OXR1: variants seen among roughly 807,000 people sequenced by gnomAD.
OXR1 encodes oxidation resistance protein 1.
OXR1 carries 41 observed loss-of-function variants against 104.6 expected under a neutral mutation model. That is an observed-to-expected ratio of 0.39 (90% CI 0.31 to 0.51). OXR1 has a LOEUF of 0.51. OXR1 is among the 20% of genes least tolerant of loss of function. The pLI is 0.77. For synonymous variants in OXR1, 348 were observed against 348.4 expected (o/e 1.00, Z 0.01); for missense variants, 955 against 1,031.9 (o/e 0.93, Z 1.02).
chr8:106,366,797 C>T (rs1251626417), intron 2 of OXR1, among the ~76,000 whole-genome samples: 1 of 150,468 alleles, frequency 6.6e-6, no homozygotes, highest in Non-Finnish European at 1.5e-5. Context: ...TGGAAATGGT[C>T]AGCTTGTAAA....
chr8:106,283,050 C>T (rs1812353215), intron 1 of OXR1, among the ~76,000 whole-genome samples: 2 of 152,204 alleles, frequency 1.3e-5, no homozygotes, highest in African/African-American at 4.8e-5. Context: ...TCAGTGTGAA[C>T]ACTGGTGTGG....
At chr8:106,609,599 T>C (rs1395286606) in intron 3 of OXR1, among the ~76,000 whole-genome samples, 1 of 152,150 alleles carries the variant, frequency 6.6e-6, no homozygotes, top group Non-Finnish European at 1.5e-5. Context: ...AACCTGAAAA[T>C]TAAAAGTGCT....
chr8:106,428,231 C>A (rs1455228898), intron 2 of OXR1, among the ~76,000 whole-genome samples: 1 of 152,140 alleles, frequency 6.6e-6, no homozygotes, highest in Non-Finnish European at 1.5e-5. Flanking sequence ...AGCATCCCTG[C>A]CTGACATTTG....
intron 2 of OXR1, among the ~76,000 whole-genome samples, chr8:106,476,919 G>T (rs544169179): frequency 9.2e-5 from 14 of 152,012 alleles, no homozygotes; most frequent in African/African-American, 3.4e-4. Context: ...CCACATGAAA[G>T]CCTCGAGGCA....
At chr8:106,419,611 G>A (rs1439883266) in intron 2 of OXR1, among the ~76,000 whole-genome samples, 1 of 152,138 alleles carries the variant, frequency 6.6e-6, no homozygotes, top group Non-Finnish European at 1.5e-5. Flanking sequence ...AGGGCAGTTA[G>A]AGCCTACCAA....
chr8:106,523,583 T>A (rs370272589), intron 3 of OXR1, among the ~76,000 whole-genome samples: 148 of 152,282 alleles, frequency 9.7e-4, no homozygotes, highest in African/African-American at 3.5e-3. Context: ...CTCAACTCAC[T>A]AAGTTTATTT....
intron 2 of OXR1, among the ~76,000 whole-genome samples, chr8:106,491,091 C>T (rs896405890): frequency 2.8e-4 from 42 of 152,168 alleles, no homozygotes; most frequent in African/African-American, 9.7e-4. Context: ...GCTTCCTCGA[C>T]GCTCCGCTCA....
chr8:106,418,533 ATT>A (rs34749617), intron 2 of OXR1, among the ~76,000 whole-genome samples: 2 of 151,160 alleles, frequency 1.3e-5, no homozygotes, highest in Admixed American at 6.6e-5. Context: ...TTTGTTGGTC[ATT>A]TTTTTTTAAG....
chr8:106,685,202 A>G (rs1441557987), intron 6 of OXR1, among the ~76,000 whole-genome samples: 1 of 152,194 alleles, frequency 6.6e-6, no homozygotes, highest in Non-Finnish European at 1.5e-5. Context: ...AATGGTAGGT[A>G]TTACTTACCA....
intron 3 of OXR1, chr8:106,657,842 C>T (rs1250191467): frequency 1.6e-6 from 2 of 1,238,038 alleles, no homozygotes; most frequent in Non-Finnish European, 2.0e-6. Flanking sequence ...GGGACGCCCC[C>T]TCCTCCTCCC....
At chr8:106,618,059 G>A (rs1373907201) in intron 3 of OXR1, 4 of 1,533,464 alleles carry the variant, frequency 2.6e-6, no homozygotes, top group Non-Finnish European at 3.5e-6. Flanking sequence ...TGGCAGAAAG[G>A]AAATGTTATA....
At chr8:106,488,406 G>A (rs1318640808) in intron 2 of OXR1, among the ~76,000 whole-genome samples, 1 of 147,206 alleles carries the variant, frequency 6.8e-6, no homozygotes, top group Non-Finnish European at 1.5e-5. Context: ...TTCTTTTGCT[G>A]TGCAGAAGCT....
chr8:106,348,605 A>C lies in OXR1; in HGVS notation c.-138-10871A>C, dbSNP rs563531851. Among the ~76,000 whole-genome samples, 86 of 152,284 alleles carry C rather than the reference A, an allele frequency of 5.6e-4. 1 individual carries two copies. The South Asian group carries it at 0.017, about 30-fold the overall frequency. ...TTAAAATTGATTGTAGATTCTAAAA[A>C]CATTATAAAAACATTGATAAATATA... On this transcript the variant is annotated intron_variant, in intron 1 of 16. Transcript: ENST00000517566.
At position 106,407,321 on chromosome 8, in the gene OXR1, T is replaced by G. The variant is rs1332017433; in HGVS notation, c.23+47685T>G. Among the ~76,000 whole-genome samples, 5 of 152,324 alleles carry G rather than the reference T, an allele frequency of 3.3e-5. No homozygotes were observed. In the East Asian group the frequency reaches 9.6e-4, roughly 29 times the overall value. Reference sequence around the variant, plus strand: ...GGGTGAGTGAGTTCTCCTTTGAATCTGATTGATTTTCCCCAGAGGGGCATT... The same window carrying G: ...GGGTGAGTGAGTTCTCCTTTGAATCGGATTGATTTTCCCCAGAGGGGCATT... On this transcript the variant is annotated intron_variant, in intron 2 of 16. Transcript: ENST00000517566.
chr8:106,674,269 A>G (rs1390683463), intron 3 of OXR1, among the ~76,000 whole-genome samples: 1 of 152,242 alleles, frequency 6.6e-6, no homozygotes, highest in Non-Finnish European at 1.5e-5. Flanking sequence ...GATGTGAGAC[A>G]TGGAGTCAAA....
intron 2 of OXR1, among the ~76,000 whole-genome samples, chr8:106,470,993 G>C (rs192596028): frequency 4.6e-5 from 7 of 151,834 alleles, no homozygotes; most frequent in African/African-American, 1.4e-4. Context: ...ACTTGACCAG[G>C]GTGGATTTAA....
intron 3 of OXR1, among the ~76,000 whole-genome samples, chr8:106,649,899 T>C (rs1248471204): frequency 6.6e-6 from 1 of 152,108 alleles, no homozygotes; most frequent in African/African-American, 2.4e-5. Context: ...GGTTTCACTG[T>C]GTTAGCCAGA....
At chr8:106,523,616 A>G (rs925792999) in intron 3 of OXR1, among the ~76,000 whole-genome samples, 1 of 152,104 alleles carries the variant, frequency 6.6e-6, no homozygotes, top group Non-Finnish European at 1.5e-5. Flanking sequence ...ATGGGCTATG[A>G]CCTGAAGTTT....
chr8:106,344,174 T>C (rs1815379388), intron 1 of OXR1, among the ~76,000 whole-genome samples: 1 of 152,202 alleles, frequency 6.6e-6, no homozygotes. Flanking sequence ...TCCCTGGTTT[T>C]AGGAGGTTAA....
Sources: gnomAD v4.1 joint callset for allele counts (sites outside exome capture counted in the v4.1 genomes callset) on GRCh38, gnomAD v4.1.1 for gene constraint, MANE v1.5 for transcripts, NCBI Gene and HGNC (gene_info 2026-07-23, HGNC 2026-07-21) for gene names.